The following COX7B2 variants were observed in gnomAD, a reference collection of about 807,000 sequenced individuals.
COX7B2 encodes the protein cytochrome c oxidase subunit 7B2.
For synonymous variants in COX7B2, 37 were observed against 32.1 expected, an observed-to-expected ratio of 1.15 and a Z score of -0.51; for missense variants, 109 against 95.9, an observed-to-expected ratio of 1.14 and a Z score of -0.57.
At chr4:46,905,435 G>T (rs1417452191) in intron 1 of COX7B2, among the ~76,000 whole-genome samples, 4 of 152,134 alleles carry the variant, frequency 2.6e-5, no homozygotes, top group African/African-American at 9.7e-5. Context: ...GGAAGAAGGG[G>T]ACATGAAAAT....
At chr4:46,830,927 G>A (rs953706253) in intron 2 of COX7B2, among the ~76,000 whole-genome samples, 10 of 152,200 alleles carry the variant, frequency 6.6e-5, no homozygotes, top group African/African-American at 1.2e-4. Context: ...AGGCGTCGGC[G>A]CCCACTCTGG....
intron 2 of COX7B2, among the ~76,000 whole-genome samples, chr4:46,790,943 GT>G (rs897393721): frequency 9.2e-5 from 14 of 152,304 alleles, no homozygotes; most frequent in African/African-American, 2.6e-4. Context: ...AGAGAAGTTT[GT>G]TTTAGCCTCA....
At chr4:46,779,648 T>C (rs1458902487) in intron 2 of COX7B2, among the ~76,000 whole-genome samples, 3 of 152,100 alleles carry the variant, frequency 2.0e-5, no homozygotes, top group African/African-American at 7.2e-5. Context: ...CCACCAACAG[T>C]GCACAAGGAC....
At chr4:46,844,739 T>G (rs1008945464) in intron 2 of COX7B2, among the ~76,000 whole-genome samples, 1 of 152,046 alleles carries the variant, frequency 6.6e-6, no homozygotes, top group Non-Finnish European at 1.5e-5. Flanking sequence ...TAAAAAATAT[T>G]TTATTTTTGA....
chr4:46,802,209 T>G (rs1444004369), intron 2 of COX7B2, among the ~76,000 whole-genome samples: 1 of 152,132 alleles, frequency 6.6e-6, no homozygotes, highest in Non-Finnish European at 1.5e-5. Context: ...GAGACTTTGC[T>G]TCCTACCTAA....
At chr4:46,743,998 A>C (rs1005873610) in intron 2 of COX7B2, among the ~76,000 whole-genome samples, 1 of 152,180 alleles carries the variant, frequency 6.6e-6, no homozygotes, top group Admixed American at 6.5e-5. Flanking sequence ...CAACACTCAT[A>C]AGAGCAATGA....
intron 2 of COX7B2, among the ~76,000 whole-genome samples, chr4:46,767,633 A>G (rs1046742355): frequency 6.6e-6 from 1 of 152,226 alleles, no homozygotes; most frequent in African/African-American, 2.4e-5. Context: ...TAAGAAGACT[A>G]AAATCATATA....
At chr4:46,825,006 T>G (rs920989093) in intron 2 of COX7B2, among the ~76,000 whole-genome samples, 1 of 152,100 alleles carries the variant, frequency 6.6e-6, no homozygotes, top group Non-Finnish European at 1.5e-5. Context: ...ATCACTCATC[T>G]TCAACACAAT....
chr4:46,783,332 T>A (rs1717583143), intron 2 of COX7B2, among the ~76,000 whole-genome samples: 1 of 152,190 alleles, frequency 6.6e-6, no homozygotes, highest in African/African-American at 2.4e-5. Context: ...AAGGCCAGTG[T>A]AATTGACCTG....
At chr4:46,847,773 T>C (rs1197453777) in intron 1 of COX7B2, among the ~76,000 whole-genome samples, 1 of 152,046 alleles carries the variant, frequency 6.6e-6, no homozygotes, top group Non-Finnish European at 1.5e-5. Flanking sequence ...AAGCAGTTTC[T>C]TGCCAGCTTT....
intron 2 of COX7B2, 38 bp downstream of exon 2, chr4:46,844,922 T>C (rs1716171789): frequency 6.6e-6 from 1 of 151,980 alleles, no homozygotes; most frequent in Admixed American, 6.6e-5. Context: ...GAAAGTGTAA[T>C]GTAGGTAGTG....
At chr4:46,762,850 A>G (rs531642238) in intron 2 of COX7B2, among the ~76,000 whole-genome samples, 1 of 148,820 alleles carries the variant, frequency 6.7e-6, no homozygotes, top group East Asian at 2.0e-4. Context: ...ATAAAGTTGC[A>G]AAGCTGACAC....
chr4:46,764,620 T>C (rs974970382), intron 2 of COX7B2, among the ~76,000 whole-genome samples: 9 of 141,102 alleles, frequency 6.4e-5, no homozygotes, highest in African/African-American at 2.1e-4. Context: ...AGATAAATCA[T>C]TGGCCAGGCA....
At chr4:46,818,671 C>CATTG (rs1428731350) in intron 2 of COX7B2, among the ~76,000 whole-genome samples, 1 of 151,682 alleles carries the variant, frequency 6.6e-6, no homozygotes, top group East Asian at 1.9e-4. Flanking sequence ...AAACAGACTA[C>CATTG]TAGATCTCAA....
chr4:46,737,338 A>G (rs1289755623), intron 2 of COX7B2, among the ~76,000 whole-genome samples: 6 of 152,124 alleles, frequency 3.9e-5, no homozygotes, highest in Non-Finnish European at 5.9e-5. Context: ...ATTCTGGATA[A>G]CAGTCCTCAA....
intron 2 of COX7B2, among the ~76,000 whole-genome samples, chr4:46,767,098 T>A (rs1716587102): frequency 6.6e-6 from 1 of 152,212 alleles, no homozygotes; most frequent in African/African-American, 2.4e-5. Context: ...CAGATCCAAC[T>A]CTGTGCTGCC....
At chr4:46,890,460 T>C (rs1411126697) in intron 1 of COX7B2, among the ~76,000 whole-genome samples, 1 of 152,236 alleles carries the variant, frequency 6.6e-6, no homozygotes, top group Non-Finnish European at 1.5e-5. Context: ...AAACATTTTA[T>C]ACTCTGGGTA....
At chr4:46,770,762 T>C (rs183853153) in intron 2 of COX7B2, among the ~76,000 whole-genome samples, 6 of 152,228 alleles carry the variant, frequency 3.9e-5, no homozygotes, top group African/African-American at 1.2e-4. Flanking sequence ...GTTGGGAAAA[T>C]TGTTTTCCAT....
intron 1 of COX7B2, among the ~76,000 whole-genome samples, chr4:46,872,480 A>G (rs1244844701): frequency 6.6e-6 from 1 of 152,152 alleles, no homozygotes; most frequent in African/African-American, 2.4e-5. Flanking sequence ...AATAAAAGTT[A>G]TAAATAAATA....
Sources: allele counts gnomAD v4.1 joint callset (sites outside exome capture counted in the v4.1 genomes callset), GRCh38; gene constraint gnomAD v4.1.1; transcripts MANE v1.5; gene names NCBI Gene and HGNC (gene_info 2026-07-23, HGNC 2026-07-21).